Variants in IRAK2 observed in about 807,000 individuals in gnomAD.
IRAK2 encodes the protein interleukin 1 receptor associated kinase 2.
Under a neutral mutation model 72.0 loss-of-function variants are expected in IRAK2, and 57 were observed. The observed-to-expected ratio is 0.79, with a 90% CI of 0.64 to 0.99. IRAK2 has a LOEUF of 0.99. Ranked by LOEUF, IRAK2 falls within the 50% of genes least tolerant of loss-of-function variation. IRAK2 has a pLI of 0.00. For synonymous variants in IRAK2, 293 were observed against 312.7 expected (o/e 0.94, Z 0.67); for missense variants, 790 against 794.4 (o/e 0.99, Z 0.07).
At chr3:10,213,578 A>C (rs375935781) in intron 6 of IRAK2, 30 bp downstream of exon 6, 610 of 1,545,594 alleles carry the variant, frequency 3.9e-4, no homozygotes, top group Non-Finnish European at 5.1e-4. Context: ...AGTAATAATG[A>C]TAGCTAACCT....
intron 12 of IRAK2, among the ~76,000 whole-genome samples, chr3:10,239,974 C>CCA (rs1243927277): frequency 6.6e-6 from 1 of 150,724 alleles, no homozygotes; most frequent in African/African-American, 2.4e-5. Context: ...TGGTGAAACC[C>CCA]TGTCTCTACT....
chr3:10,206,388 G>A (rs358848), intron 3 of IRAK2, among the ~76,000 whole-genome samples: 12,621 of 152,144 alleles, frequency 0.083, 707 homozygotes, highest in East Asian at 0.26. Flanking sequence ...GCATTCTCCT[G>A]GCTGCTAGAT....
At chr3:10,233,299 G>A (rs1697884939) in intron 10 of IRAK2, among the ~76,000 whole-genome samples, 1 of 152,128 alleles carries the variant, frequency 6.6e-6, no homozygotes, top group African/African-American at 2.4e-5. Flanking sequence ...TGATCTGCCA[G>A]TCTCGGCCTC....
At chr3:10,172,930 T>C (rs1696820703) in intron 1 of IRAK2, among the ~76,000 whole-genome samples, 1 of 151,270 alleles carries the variant, frequency 6.6e-6, no homozygotes, top group Non-Finnish European at 1.5e-5. Context: ...CCGCTTGCCT[T>C]GGCCTCCCAA....
At chr3:10,219,491 T>C (rs1031400516) in intron 7 of IRAK2, among the ~76,000 whole-genome samples, 189 bp from the exon 8 acceptor site, 1 of 152,084 alleles carries the variant, frequency 6.6e-6, no homozygotes, top group East Asian at 1.9e-4. Flanking sequence ...GCTAATTTTT[T>C]GTATTTTTAG....
At chr3:10,197,387 AAAAAAAAAAAAG>A (rs1488958545) in intron 2 of IRAK2, among the ~76,000 whole-genome samples, 3 of 150,740 alleles carry the variant, frequency 2.0e-5, no homozygotes, top group African/African-American at 7.3e-5. Flanking sequence ...TCTGTCTCAA[AAAAAAAAAAAAG>A]AAAAAGAAAA....
intron 2 of IRAK2, among the ~76,000 whole-genome samples, chr3:10,187,843 C>G (rs1328364797): frequency 6.6e-6 from 1 of 152,128 alleles, no homozygotes; most frequent in Non-Finnish European, 1.5e-5. Context: ...AGGGAAGCCC[C>G]ATGATGGAGA....
chr3:10,240,680 C>G (rs1406999258), intron 12 of IRAK2, among the ~76,000 whole-genome samples: 1 of 149,840 alleles, frequency 6.7e-6, no homozygotes, highest in East Asian at 2.1e-4. Flanking sequence ...CTGTCTCAGC[C>G]TCCCGAGTAG....
chr3:10,175,751 G>A (rs1382784124), intron 1 of IRAK2, among the ~76,000 whole-genome samples: 1 of 151,926 alleles, frequency 6.6e-6, no homozygotes, highest in East Asian at 1.9e-4. Context: ...TTAGCCAGGC[G>A]TGGTGGTGGG....
At chr3:10,238,665 C>T (rs747951597) in intron 11 of IRAK2, 83 bp from the exon 12 acceptor site, 4 of 1,334,888 alleles carry the variant, frequency 3.0e-6, no homozygotes, top group Non-Finnish European at 4.2e-6. Flanking sequence ...CTCCCCGCCC[C>T]CTCTCTGCTG....
At chr3:10,167,467 T>TGCAG (rs1177850989) in intron 1 of IRAK2, among the ~76,000 whole-genome samples, 4 of 151,766 alleles carry the variant, frequency 2.6e-5, no homozygotes, top group South Asian at 4.2e-4. Flanking sequence ...CAGGCTGGAG[T>TGCAG]GCAGTGGCGC....
intron 4 of IRAK2, among the ~76,000 whole-genome samples, chr3:10,211,953 G>A (rs403100): frequency 0.098 from 14,826 of 151,584 alleles, 917 homozygotes; most frequent in East Asian, 0.29. Flanking sequence ...GGTGGTGGGT[G>A]CCTGTAGTCC....
chr3:10,174,103 C>T (rs1258267452), intron 1 of IRAK2, among the ~76,000 whole-genome samples: 1 of 152,094 alleles, frequency 6.6e-6, no homozygotes, highest in Non-Finnish European at 1.5e-5. Flanking sequence ...TGTGGATGAC[C>T]AATGCTTCGT....
At chr3:10,223,283 C>G (rs1253404679) in intron 9 of IRAK2, among the ~76,000 whole-genome samples, 1 of 152,194 alleles carries the variant, frequency 6.6e-6, no homozygotes, top group Non-Finnish European at 1.5e-5. Context: ...GTCCGATCAT[C>G]CATCTACCCT....
At chr3:10,181,275 A>G in intron 2 of IRAK2, among the ~76,000 whole-genome samples, 1 of 152,006 alleles carries the variant, frequency 6.6e-6, no homozygotes, top group East Asian at 1.9e-4. Flanking sequence ...CCCCTGCGAA[A>G]GTTGTCAGAA....
At chr3:10,189,409 G>A (rs1348208580) in intron 2 of IRAK2, among the ~76,000 whole-genome samples, 4 of 152,242 alleles carry the variant, frequency 2.6e-5, no homozygotes. Flanking sequence ...AAGGGAAGAC[G>A]TTGGAGGGCT....
chr3:10,204,494 T>G (rs905835507), intron 3 of IRAK2, among the ~76,000 whole-genome samples: 6 of 152,020 alleles, frequency 3.9e-5, no homozygotes, highest in African/African-American at 2.4e-5. Context: ...TTAGCCTCAG[T>G]AGAATAGCAA....
intron 6 of IRAK2, among the ~76,000 whole-genome samples, chr3:10,215,236 A>T (rs1401491617): frequency 6.6e-6 from 1 of 151,644 alleles, no homozygotes; most frequent in African/African-American, 2.4e-5. Flanking sequence ...AAAAAAATTC[A>T]TACAAAAATC....
chr3:10,200,126 A>G (rs183545143), intron 2 of IRAK2, among the ~76,000 whole-genome samples: 29 of 152,082 alleles, frequency 1.9e-4, no homozygotes, highest in Non-Finnish European at 3.7e-4. Flanking sequence ...GACCTCAGGC[A>G]GTCCACCCAC....
Sources: allele counts gnomAD v4.1 joint callset (sites outside exome capture counted in the v4.1 genomes callset), GRCh38; gene constraint gnomAD v4.1.1; transcripts MANE v1.5; gene names NCBI Gene and HGNC (gene_info 2026-07-23, HGNC 2026-07-21).